Variants in TMEM232 observed in about 807,000 individuals in gnomAD.
TMEM232 encodes the protein transmembrane protein 232.
A neutral mutation model predicts 78.8 loss-of-function variants in TMEM232; 80 were observed. The ratio of observed to expected loss-of-function variants is 1.01; its 90% CI spans 0.85 to 1.22. TMEM232 has a LOEUF of 1.22. TMEM232 is among the 50% of genes most tolerant of loss of function. The pLI is 0.00. For synonymous variants in TMEM232, 297 were observed against 254.3 expected, an observed-to-expected ratio of 1.17 and a Z score of -1.60; for missense variants, 881 against 742.2, an observed-to-expected ratio of 1.19 and a Z score of -2.17.
At chr5:110,427,827 C>A (rs1053418318) in intron 12 of TMEM232, among the ~76,000 whole-genome samples, 4 of 151,768 alleles carry the variant, frequency 2.6e-5, no homozygotes, top group African/African-American at 9.7e-5. Flanking sequence ...CTTTTTCATA[C>A]AATGACATTT....
intron 12 of TMEM232, among the ~76,000 whole-genome samples, chr5:110,467,915 T>TAA (rs1762256197): frequency 1.3e-5 from 2 of 152,126 alleles, no homozygotes; most frequent in Admixed American, 6.5e-5. Flanking sequence ...TTCTATACTC[T>TAA]TTGGCTTTGG....
chr5:110,408,691 A>C (rs1755882818), intron 2 of TMEM232, among the ~76,000 whole-genome samples: 1 of 152,192 alleles, frequency 6.6e-6, no homozygotes, highest in Non-Finnish European at 1.5e-5. Flanking sequence ...GGTTAGACTT[A>C]GAAAAAATAG....
At chr5:110,484,072 T>C (rs901468962) in intron 12 of TMEM232, among the ~76,000 whole-genome samples, 4 of 152,062 alleles carry the variant, frequency 2.6e-5, no homozygotes, top group African/African-American at 9.7e-5. Context: ...GAAAACCAAG[T>C]ACCACATGTT....
At position 110,568,479 on chromosome 5, in the gene TMEM232, C is replaced by A; in HGVS notation, c.1423G>T (p.Val475Leu). ...ATATTGATTGCATTTTGGATTCGTACATCTTCCTCATAATCCTTTGTTTTC... is the reference window on the plus strand; with the variant it reads ...ATATTGATTGCATTTTGGATTCGTAAATCTTCCTCATAATCCTTTGTTTTC... Reference protein sequence around the residue: ...LQKTKDYEEDVRIQNAINIAQ... With the variant: ...LQKTKDYEEDLRIQNAINIAQ... Residue 475 changes from valine to leucine, a missense_variant, in exon 11 of 14, where the codon GTA (valine) becomes TTA (leucine). Transcript: ENST00000455884. 6.5e-7 allele frequency: 1 copy of A among 1,548,020 alleles called. No individual in the cohort carries two copies. The highest frequency in any genetic ancestry group is 8.7e-7 in the Non-Finnish European group (1 of 1,145,172).
At chr5:110,677,928 T>C (rs764481648) in intron 1 of TMEM232, among the ~76,000 whole-genome samples, 18 of 152,188 alleles carry the variant, frequency 1.2e-4, no homozygotes, top group Admixed American at 2.6e-4. Context: ...AAGAATACTA[T>C]TGAAATTCAA....
At chr5:110,691,393 A>G (rs887855409) in intron 1 of TMEM232, among the ~76,000 whole-genome samples, 3 of 152,352 alleles carry the variant, frequency 2.0e-5, no homozygotes, top group African/African-American at 4.8e-5. Flanking sequence ...TGCTAATGTG[A>G]TGAATGGTTT....
intron 9 of TMEM232, among the ~76,000 whole-genome samples, 171 bp downstream of exon 9, chr5:110,605,993 A>C (rs568416361): frequency 6.6e-6 from 1 of 152,182 alleles, no homozygotes; most frequent in South Asian, 2.1e-4. Flanking sequence ...ATGAAAATGA[A>C]AAATGTTTAT....
intron 2 of TMEM232, among the ~76,000 whole-genome samples, chr5:110,661,842 T>C (rs957997902): frequency 6.6e-6 from 1 of 152,158 alleles, no homozygotes; most frequent in African/African-American, 2.4e-5. Flanking sequence ...GCCAGTTTAG[T>C]TGGGGTGAGA....
At position 110,427,958 on chromosome 5, in the gene TMEM232, C is replaced by T. The variant is rs1446775374; in HGVS notation, c.1704-3042G>A. 3.3e-5 allele frequency among the ~76,000 whole-genome samples: 5 copies of T among 151,954 alleles called. No homozygotes were observed. In the South Asian group the frequency reaches 8.3e-4, roughly 25 times the overall value. ...CACATCATAGAGAATGGGTTATACA[C>T]ACCCTGAAGCATTTATCCCTCATGT... On this transcript the variant is annotated intron_variant, in intron 12 of 13. Coordinates refer to ENST00000455884, the MANE Select transcript of TMEM232 (RefSeq NM_001039763.4).
At chr5:110,590,932 A>G (rs546198951) in intron 10 of TMEM232, among the ~76,000 whole-genome samples, 1 of 152,268 alleles carries the variant, frequency 6.6e-6, no homozygotes, top group East Asian at 1.9e-4. Context: ...TCACGAGAAC[A>G]GCATGAGGGA....
At chr5:110,645,269 G>C (rs1787321545) in intron 2 of TMEM232, among the ~76,000 whole-genome samples, 1 of 151,206 alleles carries the variant, frequency 6.6e-6, no homozygotes. Context: ...AAAGACACTA[G>C]GAGTAAAGAA....
At position 110,620,577 on chromosome 5, in the gene TMEM232, A is replaced by ATCTCTCTATCTCTCTCTCTCTCTCTC. The variant is rs1783510315; in HGVS notation, c.769-2016_769-2015insGAGAGAGAGAGAGAGAGATAGAGAGA. ...TAGTTCCTTGTGGTATGTCTCTCAT[A>ATCTCTCTATCTCTCTCTCTCTCTCTC]TCTCTCTCTCTCTCTCTCTCTCTCT... On this transcript the variant is annotated intron_variant, in intron 7 of 13. Coordinates refer to ENST00000455884, the MANE Select transcript of TMEM232 (RefSeq NM_001039763.4). Among the ~76,000 whole-genome samples, 3 of 43,090 alleles carry ATCTCTCTATCTCTCTCTCTCTCTCTC rather than the reference A, an allele frequency of 7.0e-5. 1 individual carries two copies. Among genetic ancestry groups the ATCTCTCTATCTCTCTCTCTCTCTCTC allele is most frequent in the African/African-American group, 2.2e-4 (3 of 13,552 alleles). The allele number at this position is 43,090 out of a possible 152,430, so 28.3% of individuals were successfully genotyped here. A position where few individuals can be genotyped will look rare whatever the true frequency, so the allele number is the denominator to read the frequency against.
intron 3 of TMEM232, among the ~76,000 whole-genome samples, chr5:110,641,984 T>A (rs187855493): frequency 0.012 from 1,767 of 152,186 alleles, 40 homozygotes; most frequent in African/African-American, 0.04. Context: ...TAACTTTTTT[T>A]AAAAAAATAT....
chr5:110,582,562 G>T (rs1778331189), intron 10 of TMEM232, among the ~76,000 whole-genome samples: 1 of 151,862 alleles, frequency 6.6e-6, no homozygotes. Context: ...TGGGTACTAT[G>T]TTCACTAACC....
chr5:110,672,897 G>A (rs193256769), intron 1 of TMEM232, among the ~76,000 whole-genome samples: 15 of 151,928 alleles, frequency 9.9e-5, no homozygotes, highest in Admixed American at 2.6e-4. Context: ...TTTAAGATTC[G>A]TTTTCCAGGT....
intron 5 of TMEM232, among the ~76,000 whole-genome samples, chr5:110,630,063 G>A (rs1334896532): frequency 6.6e-6 from 1 of 152,110 alleles, no homozygotes; most frequent in Non-Finnish European, 1.5e-5. Flanking sequence ...GAACAAAAGG[G>A]AGGTTTCCAA....
intron 12 of TMEM232, among the ~76,000 whole-genome samples, chr5:110,425,571 G>C (rs1757139736): frequency 6.6e-6 from 1 of 151,956 alleles, no homozygotes; most frequent in Non-Finnish European, 1.5e-5. Flanking sequence ...TTTAAGACTG[G>C]AACTAATTTT....
At chr5:110,418,686 GAAGT>G (rs1220343404), downstream of TMEM232, among the ~76,000 whole-genome samples, 2 of 152,130 alleles carry the variant, frequency 1.3e-5, no homozygotes, top group Admixed American at 6.6e-5. Flanking sequence ...GAAAATCGTG[GAAGT>G]AAGAAAGAAG....
intron 10 of TMEM232, among the ~76,000 whole-genome samples, chr5:110,599,808 C>A (rs1306021723): frequency 6.6e-6 from 1 of 152,104 alleles, no homozygotes; most frequent in Non-Finnish European, 1.5e-5. Context: ...AGCTCTGGAC[C>A]AAGTGGACCT....
Sources: gnomAD v4.1 joint callset for allele counts (sites outside exome capture counted in the v4.1 genomes callset) on GRCh38, gnomAD v4.1.1 for gene constraint, MANE v1.5 for transcripts, NCBI Gene and HGNC (gene_info 2026-07-23, HGNC 2026-07-21) for gene names.